The following TBX18 variants were observed in gnomAD, a reference collection of about 807,000 sequenced individuals.
The protein encoded by TBX18 is T-box transcription factor TBX18.
Under a neutral mutation model 55.0 loss-of-function variants are expected in TBX18, and 21 were observed. The ratio of observed to expected loss-of-function variants is 0.38; its 90% CI spans 0.27 to 0.55. The LOEUF is 0.55. Ranked by LOEUF, TBX18 falls within the 20% of genes least tolerant of loss-of-function variation. The probability of loss-of-function intolerance (pLI) is 0.73; values close to 1 mark genes in which losing one functional copy is unlikely to be tolerated. For synonymous variants in TBX18, 342 were observed against 326.1 expected (o/e 1.05, Z -0.53); for missense variants, 840 against 799.6 (o/e 1.05, Z -0.61).
At chr6:84,740,372 T>A (rs139316227) in intron 6 of TBX18, among the ~76,000 whole-genome samples, 10 of 152,316 alleles carry the variant, frequency 6.6e-5, no homozygotes, top group African/African-American at 1.9e-4. Flanking sequence ...GGACTTCAGT[T>A]TCTCACAAAG....
At chr6:84,745,379 T>C (rs28733272) in intron 5 of TBX18, among the ~76,000 whole-genome samples, 1 of 152,176 alleles carries the variant, frequency 6.6e-6, no homozygotes, top group African/African-American at 2.4e-5. Context: ...TCTAAATTCC[T>C]GGGCTTAATG....
chr6:84,747,992 G>C lies in TBX18; in HGVS notation c.867C>G (p.Ser289=), dbSNP rs771393702. 1 of 1,613,404 alleles carries C rather than the reference G, an allele frequency of 6.2e-7. No homozygotes were observed. The highest frequency in any genetic ancestry group is 1.1e-5 in the South Asian group (1 of 91,016). Residue 289 remains serine, a synonymous_variant, in exon 5 of 8, where the codon TCC becomes TCG. Transcript: ENST00000369663. The part of the protein sequence containing the change: ...DDLSPIKPVP[S]GEGVKAFSFP... ...AGGAGAATGCCTTTACTCCCTCCCC[G>C]GATGGAACAGGCTTGATGGGAGAAA...
At chr6:84,757,287 C>T (rs894773199) in intron 3 of TBX18, among the ~76,000 whole-genome samples, 3 of 152,124 alleles carry the variant, frequency 2.0e-5, no homozygotes, top group African/African-American at 7.2e-5. Flanking sequence ...TAAAATGCCC[C>T]GCTTCCTTCA....
At chr6:84,747,768 G>C in intron 5 of TBX18, 152 bp downstream of exon 5, 1 of 607,776 alleles carries the variant, frequency 1.6e-6, no homozygotes, top group Non-Finnish European at 2.5e-6. Flanking sequence ...GAAAATCATG[G>C]ATAAAGAACT....
Position 84,736,751 on chromosome 6 carries a change from GA to G in TBX18, c.1757del (p.Phe586SerfsTer7). The G allele has an allele frequency of 3.1e-6, 5 of 1,612,208 alleles. No individual in the cohort carries two copies. The highest frequency in any genetic ancestry group is 4.2e-6 in the Non-Finnish European group (5 of 1,179,296). On this transcript the variant is annotated frameshift_variant, in exon 8 of 8. Coordinates refer to ENST00000369663, the MANE Select transcript of TBX18 (RefSeq NM_001080508.3). LOFTEE classifies it high-confidence loss of function. ...AGCTTCCTAGGGTCCTAGAGTCAAA[GA>G]AACTCTGCTGACCCCCACTGCTAAG... ...HLLSSGGQQS[F>X]FDSRTLGSLT...
rs148004775 is a variant in TBX18, at chr6:84,756,743, G to C, written c.726C>G (p.Phe242Leu). 12 of 1,613,980 alleles carry C rather than the reference G, an allele frequency of 7.4e-6. No individual in the cohort carries two copies. The highest frequency in any genetic ancestry group is 3.3e-5 in the Admixed American group (2 of 59,978). The change falls in exon 4 of 8, where the codon TTC (phenylalanine) becomes TTG (leucine). Residue 242 changes from phenylalanine (F) to leucine (L), a missense_variant. Physicochemically the swap from Phe to Leu is conservative, Grantham distance 22. Coordinates refer to ENST00000369663, the MANE Select transcript of TBX18 (RefSeq NM_001080508.3). ...CATTGTTGGTGAGCTTCAGCTTGTC[G>C]AAGCTGATAACTTGTCTCATCCAAG... ...GETWMRQVIS[F>L]DKLKLTNNEL...
rs1162431962 is a variant in TBX18 at position 84,736,540 on chromosome 6, A to G, written c.*145T>C. 1.1e-6 allele frequency: 1 copy of G among 899,302 alleles called. No individual in the cohort carries two copies. The highest frequency in any genetic ancestry group is 1.6e-6 in the Non-Finnish European group (1 of 628,040). The allele number at this position is 899,302 out of a possible 1,614,324, so 55.7% of individuals were successfully genotyped here. On this transcript the variant is annotated 3_prime_UTR_variant, in exon 8 of 8. Transcript: ENST00000369663. ...CATAGATAATTACAATCTCACCATG[A>G]TAAAGTCAAAAAACCCAGTGAGCCT...
intron 5 of TBX18, 45 bp from the exon 6 acceptor site, chr6:84,744,370 A>G: frequency 1.9e-6 from 3 of 1,578,728 alleles, no homozygotes; most frequent in South Asian, 2.3e-5. Context: ...ATAAATGTCA[A>G]GCAAGTTTTT....
intron 3 of TBX18, 47 bp downstream of exon 3, chr6:84,760,208 A>G: frequency 8.0e-7 from 1 of 1,255,754 alleles, no homozygotes; most frequent in South Asian, 1.8e-5. Context: ...TAGCCTGCAA[A>G]ATCCTAGTGT....
chr6:84,748,182 G>A, intron 4 of TBX18, 95 bp from the exon 5 acceptor site: 1 of 939,300 alleles, frequency 1.1e-6, no homozygotes, highest in Non-Finnish European at 1.5e-6. Context: ...AATTCTGATT[G>A]GAAATCATTT....
chr6:84,762,160 AG>A (rs1261467041), intron 2 of TBX18, among the ~76,000 whole-genome samples: 2 of 127,860 alleles, frequency 1.6e-5, no homozygotes, highest in African/African-American at 5.1e-5. Flanking sequence ...TAAAAGAGAA[AG>A]GAAAAAAAAA....
intron 3 of TBX18, among the ~76,000 whole-genome samples, chr6:84,759,837 T>C (rs1268011074): frequency 2.0e-5 from 3 of 152,046 alleles, no homozygotes; most frequent in Middle Eastern, 3.2e-3. Context: ...GTTTTGTATG[T>C]AACAAGATAA....
chr6:84,750,397 T>A (rs1377580536), intron 4 of TBX18, among the ~76,000 whole-genome samples: 3 of 152,132 alleles, frequency 2.0e-5, no homozygotes, highest in African/African-American at 7.2e-5. Context: ...TAGATATTCT[T>A]TTTCAGAACT....
chr6:84,751,316 C>T (rs1767342209), intron 4 of TBX18, among the ~76,000 whole-genome samples: 2 of 152,072 alleles, frequency 1.3e-5, no homozygotes, highest in Non-Finnish European at 2.9e-5. Flanking sequence ...TTTAAGGTTA[C>T]TTTTCAAAAT....
At chr6:84,757,865 C>A (rs1334041970) in intron 3 of TBX18, among the ~76,000 whole-genome samples, 7 of 151,964 alleles carry the variant, frequency 4.6e-5, no homozygotes, top group Non-Finnish European at 1.0e-4. Context: ...TATTTTCCTT[C>A]CATTTGTGTG....
chr6:84,745,124 G>C (rs1317773533), intron 5 of TBX18, among the ~76,000 whole-genome samples: 1 of 152,072 alleles, frequency 6.6e-6, no homozygotes, highest in African/African-American at 2.4e-5. Context: ...TCCTATATAT[G>C]ATGTTTTAGT....
chr6:84,763,975 T>A lies in TBX18; in HGVS notation c.207A>T (p.Gly69=). 1 of 1,580,714 alleles carries A rather than the reference T, an allele frequency of 6.3e-7. No individual in the cohort carries two copies. Among genetic ancestry groups the A allele is most frequent in the Non-Finnish European group, 8.6e-7 (1 of 1,169,218 alleles). ...GCGGCGGGAGCGCAGCGCCTTCGTC[T>A]CCCTCAGAAGAACCCTTTTCGCCCG... ...GGAGEKGSSE[G]DEGAALPPPA... Residue 69 remains glycine, a synonymous_variant, in exon 1 of 8, where the codon GGA becomes GGT. Coordinates refer to ENST00000369663, the MANE Select transcript of TBX18 (RefSeq NM_001080508.3).
chr6:84,757,646 A>G (rs1767528383), intron 3 of TBX18, among the ~76,000 whole-genome samples: 2 of 152,064 alleles, frequency 1.3e-5, no homozygotes, highest in South Asian at 4.1e-4. Flanking sequence ...CTAATTAGGA[A>G]ACAAAACATC....
rs1310413923 is a variant in TBX18 at position 84,748,029 on chromosome 6, C to A, written c.830G>T (p.Cys277Phe). The change falls in exon 5 of 8, where the codon TGT (cysteine) becomes TTT (phenylalanine). Residue 277 changes from cysteine (C) to phenylalanine (F), a missense_variant. Coordinates refer to ENST00000369663, the MANE Select transcript of TBX18 (RefSeq NM_001080508.3). The part of the protein sequence containing the change: ...QPRVHVIRKD[C>F]GDDLSPIKPV... The stretch of plus-strand genomic sequence containing the variant: ...CTTGATGGGAGAAAGATCGTCTCCA[C>A]AGTCTTTACGGATGACGTGCACTCG... The A allele has an allele frequency of 6.2e-7, 1 of 1,613,592 alleles. No individual in the cohort carries two copies. Among genetic ancestry groups the A allele is most frequent in the Middle Eastern group, 1.7e-4 (1 of 6,058 alleles).
Sources: allele counts gnomAD v4.1 joint callset (sites outside exome capture counted in the v4.1 genomes callset), GRCh38; gene constraint gnomAD v4.1.1; transcripts MANE v1.5; gene names NCBI Gene and HGNC (gene_info 2026-07-23, HGNC 2026-07-21).